Variants in GALNT13 observed in about 807,000 individuals in gnomAD.
GALNT13 encodes UDP-GalNAc:polypeptide N-acetylgalactosaminyltransferase 13.
GALNT13 carries 28 observed loss-of-function variants against 64.2 expected under a neutral mutation model. The observed-to-expected ratio is 0.44, with a 90% CI of 0.32 to 0.60. GALNT13 has a LOEUF of 0.60. GALNT13 is among the 20% of genes least tolerant of loss of function. GALNT13 has a pLI of 0.05. For missense variants in GALNT13, 577 were observed against 669.8 expected (o/e 0.86, Z 1.53); for synonymous variants, 214 against 224.6 (o/e 0.95, Z 0.42).
the GALNT13 span, among the ~76,000 whole-genome samples, chr2:153,501,196 A>G: frequency 6.6e-6 from 1 of 152,226 alleles, no homozygotes; most frequent in South Asian, 2.1e-4. Context: ...CAAAATGATG[A>G]CTCAAAAATT....
chr2:153,504,550 T>C, the GALNT13 span, among the ~76,000 whole-genome samples: 1 of 152,176 alleles, frequency 6.6e-6, no homozygotes, highest in Non-Finnish European at 1.5e-5. Flanking sequence ...TACCTTAAGG[T>C]ATGTCCCTTC....
At chr2:154,097,538 A>G (rs550442586) in intron 3 of GALNT13, among the ~76,000 whole-genome samples, 2 of 152,210 alleles carry the variant, frequency 1.3e-5, no homozygotes, top group African/African-American at 4.8e-5. Context: ...TTATTAAAAC[A>G]TATCTCCAGA....
At chr2:153,276,221 G>A in the GALNT13 span, among the ~76,000 whole-genome samples, 2 of 151,940 alleles carry the variant, frequency 1.3e-5, no homozygotes, top group South Asian at 2.1e-4. Context: ...TTTGTTTCAA[G>A]TTTTTCACTT....
the GALNT13 span, among the ~76,000 whole-genome samples, chr2:153,373,269 A>T: frequency 6.6e-6 from 1 of 152,152 alleles, no homozygotes; most frequent in African/African-American, 2.4e-5. Context: ...AAGTCACACA[A>T]GCATGACTTC....
At chr2:153,315,113 A>G in the GALNT13 span, among the ~76,000 whole-genome samples, 6 of 152,226 alleles carry the variant, frequency 3.9e-5, no homozygotes, top group African/African-American at 7.2e-5. Context: ...GAAAAGGGTT[A>G]TTATAAGAGA....
intron 9 of GALNT13, among the ~76,000 whole-genome samples, chr2:154,365,120 A>G (rs1328821443): frequency 1.3e-5 from 2 of 152,132 alleles, no homozygotes; most frequent in African/African-American, 2.4e-5. Context: ...TGATCTTCCC[A>G]TTCTGTTCTT....
At chr2:154,223,590 T>G (rs1317693538) in intron 4 of GALNT13, among the ~76,000 whole-genome samples, 1 of 151,870 alleles carries the variant, frequency 6.6e-6, no homozygotes, top group Non-Finnish European at 1.5e-5. Context: ...TAGCAGGGAT[T>G]ACAGATATGT....
chr2:153,382,718 T>C, the GALNT13 span, among the ~76,000 whole-genome samples: 1 of 152,086 alleles, frequency 6.6e-6, no homozygotes, highest in South Asian at 2.1e-4. Flanking sequence ...GAATATGAAA[T>C]ACATAAATCA....
chr2:154,161,119 T>G (rs190456249), intron 4 of GALNT13, among the ~76,000 whole-genome samples: 1 of 152,288 alleles, frequency 6.6e-6, no homozygotes, highest in Admixed American at 6.5e-5. Context: ...TGCTTCCTAC[T>G]TGAGTTTCTT....
chr2:154,346,894 T>C (rs1355527881), intron 9 of GALNT13, among the ~76,000 whole-genome samples: 1 of 152,022 alleles, frequency 6.6e-6, no homozygotes, highest in Non-Finnish European at 1.5e-5. Context: ...ATTCTGAAAA[T>C]AGATTTGATA....
chr2:153,641,537 G>A, the GALNT13 span, among the ~76,000 whole-genome samples: 22 of 152,160 alleles, frequency 1.4e-4, no homozygotes, highest in East Asian at 2.7e-3. Flanking sequence ...AGAAGCAAGC[G>A]ATACAAATTT....
chr2:153,955,961 G>A (rs1692536888), intron 3 of GALNT13, among the ~76,000 whole-genome samples: 2 of 152,176 alleles, frequency 1.3e-5, no homozygotes, highest in African/African-American at 2.4e-5. Flanking sequence ...TAAGAGCTTG[G>A]CCATTGACAC....
chr2:153,803,411 GGTCTGGCGCGGT>G, the GALNT13 span, among the ~76,000 whole-genome samples: 1 of 152,140 alleles, frequency 6.6e-6, no homozygotes, highest in Non-Finnish European at 1.5e-5. Context: ...AAAAGGAACA[GGTCTGGCGCGGT>G]GTCTTATGCC....
intron 4 of GALNT13, among the ~76,000 whole-genome samples, chr2:154,145,392 G>A (rs1268951003): frequency 6.6e-6 from 1 of 151,766 alleles, no homozygotes; most frequent in African/African-American, 2.4e-5. Flanking sequence ...TTTCAGAAGA[G>A]CAGGGTTTAA....
chr2:153,322,128 A>T, the GALNT13 span, among the ~76,000 whole-genome samples: 4 of 152,036 alleles, frequency 2.6e-5, no homozygotes, highest in African/African-American at 9.7e-5. Flanking sequence ...TGGCCGAGGT[A>T]CTGGGCATAG....
At chr2:153,420,855 G>A in the GALNT13 span, 1 of 245,340 alleles carries the variant, frequency 4.1e-6, no homozygotes. Context: ...GCAAACCCAG[G>A]CCTCAGCAAT....
intron 3 of GALNT13, among the ~76,000 whole-genome samples, chr2:153,971,293 G>A (rs2105127063): frequency 6.6e-6 from 1 of 152,134 alleles, no homozygotes; most frequent in East Asian, 1.9e-4. Flanking sequence ...CTTCTTCTCT[G>A]CCTTGTTTTT....
the GALNT13 span, among the ~76,000 whole-genome samples, chr2:153,542,408 T>C: frequency 6.7e-6 from 1 of 149,984 alleles, no homozygotes; most frequent in Non-Finnish European, 1.5e-5. Flanking sequence ...ACTATTGCAA[T>C]AGGAGAAAAG....
At chr2:154,009,800 A>T (rs560122490) in intron 3 of GALNT13, among the ~76,000 whole-genome samples, 28 of 152,264 alleles carry the variant, frequency 1.8e-4, no homozygotes, top group African/African-American at 6.7e-4. Flanking sequence ...TGAGCATGGA[A>T]TGCTTTTCCT....
Sources: allele counts gnomAD v4.1 joint callset (sites outside exome capture counted in the v4.1 genomes callset), GRCh38; gene constraint gnomAD v4.1.1; transcripts MANE v1.5; gene names NCBI Gene and HGNC (gene_info 2026-07-23, HGNC 2026-07-21).